TRAK2: variants seen among roughly 807,000 people sequenced by gnomAD.
TRAK2 encodes trafficking kinesin-binding protein 2.
Under a neutral mutation model 104.6 loss-of-function variants are expected in TRAK2, and 81 were observed. That is an observed-to-expected ratio of 0.77 (90% CI 0.65 to 0.93). The LOEUF (loss-of-function observed/expected upper bound fraction) is 0.93. Ranked by LOEUF, TRAK2 falls within the 40% of genes least tolerant of loss-of-function variation. The probability of loss-of-function intolerance (pLI) is 0.00; values close to 1 mark genes in which losing one functional copy is unlikely to be tolerated. For synonymous variants in TRAK2, 406 were observed against 394.4 expected (o/e 1.03, Z -0.35); for missense variants, 1,002 against 1,089.0 (o/e 0.92, Z 1.12).
chr2:201,386,273 C>T lies in TRAK2; in HGVS notation c.1908G>A (p.Lys636=), dbSNP rs1194301875. ...LEVEEKLSTS[K]PVTGIFLPPI... The stretch of plus-strand genomic sequence containing the variant: ...GTGGCAGGAAGATCCCTGTTACTGG[C>T]TTGGATGTTGAAAGTTTCTCTTCCA... Residue 636 remains lysine (K), a synonymous_variant, in exon 14 of 16, where the codon AAG becomes AAA. Transcript: ENST00000332624. 5 of 1,614,000 alleles carry T rather than the reference C, an allele frequency of 3.1e-6. No homozygotes were observed. The highest frequency in any genetic ancestry group is 2.7e-5 in the African/African-American group (2 of 74,926).
intron 1 of TRAK2, among the ~76,000 whole-genome samples, chr2:201,429,936 C>G (rs1191164486): frequency 6.6e-6 from 1 of 152,172 alleles, no homozygotes; most frequent in African/African-American, 2.4e-5. Context: ...GAATTTTCAG[C>G]TTTTTTGCTC....
chr2:201,403,326 T>C (rs994114865), intron 3 of TRAK2, among the ~76,000 whole-genome samples: 2 of 152,154 alleles, frequency 1.3e-5, no homozygotes, highest in African/African-American at 4.8e-5. Context: ...TTATGTGGCA[T>C]GTTCAAGACC....
At chr2:201,409,982 TGGGAA>T (rs1951629687) in intron 2 of TRAK2, among the ~76,000 whole-genome samples, 1 of 152,172 alleles carries the variant, frequency 6.6e-6, no homozygotes. Flanking sequence ...TCTTTGAGAC[TGGGAA>T]GGGTTGGGTC....
intron 2 of TRAK2, 120 bp downstream of exon 2, chr2:201,420,297 G>A: frequency 1.3e-6 from 1 of 743,894 alleles, no homozygotes; most frequent in Non-Finnish European, 2.3e-6. Context: ...TTTCCCTGAG[G>A]ACATCAGACT....
Position 201,380,482 on chromosome 2 carries a change from T to G in TRAK2, c.*61A>C. 3 of 1,501,290 alleles carry G rather than the reference T, an allele frequency of 2.0e-6. No homozygotes were observed. The highest frequency in any genetic ancestry group is 2.7e-6 in the Non-Finnish European group (3 of 1,095,228). The allele number at this position is 1,501,290 out of a possible 1,614,324, so 93.0% of individuals were successfully genotyped here. A position where few individuals can be genotyped will look rare whatever the true frequency, so the allele number is the denominator to read the frequency against. On this transcript the variant is annotated 3_prime_UTR_variant, in exon 16 of 16. Coordinates refer to ENST00000332624, the MANE Select transcript of TRAK2 (RefSeq NM_015049.3). ...TCTCAAGTCAGACCAGACCACATGT[T>G]TCAGTGCATATCTATCCTTCATGTG...
chr2:201,432,637 C>T (rs1481384358), intron 1 of TRAK2, among the ~76,000 whole-genome samples: 1 of 152,142 alleles, frequency 6.6e-6, no homozygotes, highest in Non-Finnish European at 1.5e-5. Context: ...TAGTTTAGCC[C>T]AGCCACAGAA....
chr2:201,445,635 T>C (rs886577687), intron 1 of TRAK2, among the ~76,000 whole-genome samples: 2 of 152,244 alleles, frequency 1.3e-5, no homozygotes, highest in Non-Finnish European at 2.9e-5. Flanking sequence ...GGAAAAGATT[T>C]GGATAGGTGA....
chr2:201,381,295 T>C lies in TRAK2; in HGVS notation c.2070-77A>G, dbSNP rs1951342972. ...GCTCCAAGCTGGCATTTAAAGAAATTATAGTAGTTATCCTTGGTAAATATA... is the reference window on the plus strand; with the variant it reads ...GCTCCAAGCTGGCATTTAAAGAAATCATAGTAGTTATCCTTGGTAAATATA... On this transcript the variant is annotated intron_variant, in intron 15 of 15. Coordinates refer to ENST00000332624, the MANE Select transcript of TRAK2 (RefSeq NM_015049.3). The C allele has an allele frequency of 3.8e-6, 5 of 1,301,212 alleles. No homozygotes were observed. The Admixed American group carries it at 1.4e-4, about 36-fold the overall frequency. The allele number at this position is 1,301,212 out of a possible 1,614,324, so 80.6% of individuals were successfully genotyped here.
In TRAK2 at chr2:201,387,873, C is replaced by A; in HGVS notation, c.1526G>T (p.Arg509Leu). 1 of 1,614,164 alleles carries A rather than the reference C, an allele frequency of 6.2e-7. No individual in the cohort carries two copies. The highest frequency in any genetic ancestry group is 8.5e-7 in the Non-Finnish European group (1 of 1,180,022). Reference protein sequence around the residue: ...EKQFFAEEWQRKIQVLADQKE... With the variant: ...EKQFFAEEWQLKIQVLADQKE... ...CTGGTCTGCCAGAACCTGGATCTTC[C>A]GCTGCCATTCTTCAGCAAAGAACTG... The change falls in exon 13 of 16, where the codon CGG (arginine) becomes CTG (leucine). Residue 509 changes from arginine (R) to leucine (L), a missense_variant. Physicochemically the swap from Arg to Leu is moderately radical, Grantham distance 102. Coordinates refer to ENST00000332624, the MANE Select transcript of TRAK2 (RefSeq NM_015049.3).
rs1365277354 is a variant in TRAK2 at position 201,378,438 on chromosome 2, A to G, written c.*2105T>C. ...TGGCCCTACAGTTTCCTACTTCCTG[A>G]TGTTTCCTGGAAACTGTAACTGTCC... On this transcript the variant is annotated 3_prime_UTR_variant, in exon 16 of 16. Coordinates refer to ENST00000332624, the MANE Select transcript of TRAK2 (RefSeq NM_015049.3). 2.6e-5 allele frequency: 4 copies of G among 152,158 alleles called. No individual in the cohort carries two copies. Among genetic ancestry groups the G allele is most frequent in the African/African-American group, 7.2e-5 (3 of 41,442 alleles). 9.4% of individuals were successfully genotyped at this position (152,158 alleles called of 1,614,324 possible).
chr2:201,394,330 C>T (rs1231568447), intron 9 of TRAK2, among the ~76,000 whole-genome samples: 2 of 138,112 alleles, frequency 1.4e-5, no homozygotes, highest in Non-Finnish European at 3.1e-5. Context: ...TTTTAAAATG[C>T]TTTATTCTTT....
At chr2:201,412,429 T>C in intron 2 of TRAK2, 1 of 1,265,800 alleles carries the variant, frequency 7.9e-7, no homozygotes, top group Non-Finnish European at 1.2e-6. Flanking sequence ...CTCAGGTATA[T>C]TTATAAGTGA....
At chr2:201,427,218 C>T (rs1951796987) in intron 1 of TRAK2, among the ~76,000 whole-genome samples, 2 of 152,120 alleles carry the variant, frequency 1.3e-5, no homozygotes, top group South Asian at 4.2e-4. Flanking sequence ...TACATGTGCA[C>T]AATGTGCAGG....
intron 2 of TRAK2, among the ~76,000 whole-genome samples, chr2:201,420,026 G>A (rs1951726341): frequency 6.6e-6 from 1 of 152,210 alleles, no homozygotes; most frequent in Non-Finnish European, 1.5e-5. Context: ...CAGATAAGGT[G>A]TTATGGGCCT....
chr2:201,401,482 T>G (rs1199506342), intron 3 of TRAK2, among the ~76,000 whole-genome samples: 1 of 152,044 alleles, frequency 6.6e-6, no homozygotes, highest in Non-Finnish European at 1.5e-5. Context: ...GGGGTATCAG[T>G]GAGGGGTTAT....
At chr2:201,420,754 A>ATATTTATTAAACTGGACTTAC in intron 1 of TRAK2, 48 bp from the exon 2 acceptor site, 1 of 358,430 alleles carries the variant, frequency 2.8e-6, no homozygotes. Flanking sequence ...CTCTTTAACA[A>ATATTTATTAAACTGGACTTAC]CAGGAATCTA....
chr2:201,411,501 T>A, intron 2 of TRAK2: 1 of 744,962 alleles, frequency 1.3e-6, no homozygotes, highest in East Asian at 2.5e-5. Flanking sequence ...ATGAAGTTGC[T>A]CCAGCTTAGT....
intron 1 of TRAK2, among the ~76,000 whole-genome samples, chr2:201,445,109 C>T (rs1483292335): frequency 6.6e-6 from 1 of 152,208 alleles, no homozygotes; most frequent in Non-Finnish European, 1.5e-5. Flanking sequence ...TGCTATACCA[C>T]CAGCAGACTT....
chr2:201,391,435 A>G (rs1013896774), intron 10 of TRAK2, among the ~76,000 whole-genome samples: 7 of 152,328 alleles, frequency 4.6e-5, no homozygotes, highest in African/African-American at 1.4e-4. Context: ...TTTGGCAGTC[A>G]TCACTGTAAT....
Sources: gnomAD v4.1 joint callset for allele counts (sites outside exome capture counted in the v4.1 genomes callset) on GRCh38, gnomAD v4.1.1 for gene constraint, MANE v1.5 for transcripts, NCBI Gene and HGNC (gene_info 2026-07-23, HGNC 2026-07-21) for gene names.